TMEM135: variants seen among roughly 807,000 people sequenced by gnomAD.
The protein encoded by TMEM135 is transmembrane protein 135, also known as peroxisomal membrane protein 52.
Under a neutral mutation model 60.3 loss-of-function variants are expected in TMEM135, and 30 were observed. That is an observed-to-expected ratio of 0.50 (90% CI 0.37 to 0.68). The LOEUF (loss-of-function observed/expected upper bound fraction) is 0.68. TMEM135 is among the 30% of genes least tolerant of loss of function. The pLI is 0.00. For missense variants in TMEM135, 468 were observed against 548.8 expected, an observed-to-expected ratio of 0.85 and a Z score of 1.47; for synonymous variants, 190 against 186.7, an observed-to-expected ratio of 1.02 and a Z score of -0.14.
intron 5 of TMEM135, among the ~76,000 whole-genome samples, chr11:87,191,230 T>G (rs1939790683): frequency 6.7e-6 from 1 of 149,558 alleles, no homozygotes; most frequent in African/African-American, 2.5e-5. Flanking sequence ...TCACACACCC[T>G]TACTTTGGCA....
chr11:87,103,401 A>G (rs976770742), intron 4 of TMEM135, among the ~76,000 whole-genome samples: 2 of 150,932 alleles, frequency 1.3e-5, no homozygotes, highest in Non-Finnish European at 1.5e-5. Context: ...GCAATATCTC[A>G]TTGTGATTTT....
At chr11:87,211,250 G>T (rs897682884) in intron 5 of TMEM135, among the ~76,000 whole-genome samples, 1 of 152,176 alleles carries the variant, frequency 6.6e-6, no homozygotes, top group African/African-American at 2.4e-5. Context: ...AAATTTTAAT[G>T]AAGTTGGATT....
At chr11:87,295,735 T>C (rs771836507) in intron 6 of TMEM135, 47 bp from the exon 7 acceptor site, 1 of 1,508,134 alleles carries the variant, frequency 6.6e-7, no homozygotes, top group South Asian at 1.2e-5. Context: ...TAGGTACTTG[T>C]ATCTCAAAAT....
intron 4 of TMEM135, among the ~76,000 whole-genome samples, chr11:87,109,576 T>C (rs1045109315): frequency 6.6e-6 from 1 of 152,204 alleles, no homozygotes; most frequent in East Asian, 1.9e-4. Context: ...TTAAAACTTA[T>C]GAGCTGTTTA....
At chr11:87,201,841 C>T (rs1940099740) in intron 5 of TMEM135, among the ~76,000 whole-genome samples, 1 of 151,978 alleles carries the variant, frequency 6.6e-6, no homozygotes, top group Non-Finnish European at 1.5e-5. Flanking sequence ...GTTTTAATGT[C>T]CAGTAAAGAT....
intron 4 of TMEM135, among the ~76,000 whole-genome samples, chr11:87,130,953 G>A (rs116823191): frequency 0.03 from 4,480 of 149,404 alleles, 197 homozygotes; most frequent in African/African-American, 0.1. Flanking sequence ...TTTTAACCTT[G>A]GGATGTGACC....
chr11:87,121,957 G>T (rs1323174589), intron 4 of TMEM135, among the ~76,000 whole-genome samples: 2 of 152,072 alleles, frequency 1.3e-5, no homozygotes, highest in African/African-American at 4.8e-5. Flanking sequence ...CATCTTAAGG[G>T]TAGATCATAG....
At chr11:87,055,847 C>T (rs1279021655) in intron 1 of TMEM135, among the ~76,000 whole-genome samples, 1 of 152,172 alleles carries the variant, frequency 6.6e-6, no homozygotes, top group East Asian at 1.9e-4. Flanking sequence ...GCCTCTGTTA[C>T]AGGAAAGGGA....
rs1350310873 is a variant in TMEM135, at chr11:87,327,643, A to G, written c.*6310A>G. The G allele has an allele frequency of 2.2e-6, 1 of 453,860 alleles. No homozygotes were observed. Among genetic ancestry groups the G allele is most frequent in the Non-Finnish European group, 4.4e-6 (1 of 226,768 alleles). 28.1% of individuals were successfully genotyped at this position (453,860 alleles called of 1,614,324 possible). On this transcript the variant is annotated 3_prime_UTR_variant, in exon 15 of 15. Transcript: ENST00000305494. ...AGAAACCCCACCACAGGCCATTCAT[A>G]ACCTGGAGACCTTGGGATGCTGGTG...
At chr11:87,135,560 G>GGGTCTCTT (rs1309332351) in intron 4 of TMEM135, among the ~76,000 whole-genome samples, 1 of 147,936 alleles carries the variant, frequency 6.8e-6, no homozygotes, top group East Asian at 2.0e-4. Flanking sequence ...ACATATATGT[G>GGGTCTCTT]GGTCTCTTTC....
chr11:87,053,464 A>G (rs1408068248), intron 1 of TMEM135, among the ~76,000 whole-genome samples: 1 of 152,152 alleles, frequency 6.6e-6, no homozygotes, highest in Non-Finnish European at 1.5e-5. Context: ...CATATTAGTT[A>G]TTGAGTACTT....
chr11:87,195,383 T>TCTCTC (rs1386297449), intron 5 of TMEM135, among the ~76,000 whole-genome samples: 2 of 83,110 alleles, frequency 2.4e-5, no homozygotes, highest in Non-Finnish European at 5.1e-5. Context: ...CCTTCCTTCC[T>TCTCTC]TCCTTCCTTC....
intron 5 of TMEM135, among the ~76,000 whole-genome samples, chr11:87,175,438 A>G (rs918752512): frequency 1.3e-5 from 2 of 152,198 alleles, no homozygotes; most frequent in African/African-American, 2.4e-5. Context: ...ATATCAGATC[A>G]TAATGTTTAA....
intron 4 of TMEM135, among the ~76,000 whole-genome samples, chr11:87,124,781 C>G (rs1440742257): frequency 6.6e-6 from 1 of 151,980 alleles, no homozygotes; most frequent in Non-Finnish European, 1.5e-5. Flanking sequence ...TCCTCCTTCC[C>G]TTCATTTATC....
At chr11:87,311,842 T>C (rs962174578) in intron 10 of TMEM135, among the ~76,000 whole-genome samples, 1 of 151,992 alleles carries the variant, frequency 6.6e-6, no homozygotes, top group Non-Finnish European at 1.5e-5. Flanking sequence ...TTTGTTAAGG[T>C]TCCTCTTTAT....
At chr11:87,262,764 G>A (rs1941675982) in intron 6 of TMEM135, among the ~76,000 whole-genome samples, 1 of 152,090 alleles carries the variant, frequency 6.6e-6, no homozygotes, top group Non-Finnish European at 1.5e-5. Flanking sequence ...GAGCGGAGGG[G>A]ACAAAAATCT....
chr11:87,171,801 G>A (rs1229138475), intron 5 of TMEM135, among the ~76,000 whole-genome samples: 3 of 152,104 alleles, frequency 2.0e-5, no homozygotes, highest in Non-Finnish European at 4.4e-5. Flanking sequence ...GCTTGGTTTT[G>A]GGATGAAACT....
intron 4 of TMEM135, among the ~76,000 whole-genome samples, chr11:87,105,926 C>T (rs1256783631): frequency 6.6e-6 from 1 of 152,170 alleles, no homozygotes; most frequent in African/African-American, 2.4e-5. Context: ...CTCTCTTCAT[C>T]TCCCTTTCCC....
intron 10 of TMEM135, among the ~76,000 whole-genome samples, chr11:87,313,072 ATTGTGGC>A (rs1942668645): frequency 6.6e-6 from 1 of 151,822 alleles, no homozygotes; most frequent in African/African-American, 2.4e-5. Flanking sequence ...TGGGTATAGA[ATTGTGGC>A]CTGACAGACT....
Sources: gnomAD v4.1 joint callset for allele counts (sites outside exome capture counted in the v4.1 genomes callset) on GRCh38, gnomAD v4.1.1 for gene constraint, MANE v1.5 for transcripts, NCBI Gene and HGNC (gene_info 2026-07-23, HGNC 2026-07-21) for gene names.